The following MPZL1 variants were observed in gnomAD, a reference collection of about 807,000 sequenced individuals.
The protein encoded by MPZL1 is myelin protein zero-like protein 1.
A neutral mutation model predicts 29.3 loss-of-function variants in MPZL1; 16 were observed. The ratio of observed to expected loss-of-function variants is 0.55; its 90% CI spans 0.37 to 0.83. The LOEUF is 0.83. Among genes scored for constraint, MPZL1 ranks in the 40% least tolerant of loss-of-function variants. The probability of loss-of-function intolerance (pLI) is 0.00; values close to 1 mark genes in which losing one functional copy is unlikely to be tolerated. For missense variants in MPZL1, 279 were observed against 332.9 expected (o/e 0.84, Z 1.26); for synonymous variants, 143 against 132.0 (o/e 1.08, Z -0.57).
intron 5 of MPZL1, among the ~76,000 whole-genome samples, chr1:167,784,386 G>T (rs571269514): frequency 1.3e-5 from 2 of 152,200 alleles, no homozygotes; most frequent in Admixed American, 6.5e-5. Flanking sequence ...GGGTGGGGAG[G>T]GTGAGTACCA....
At chr1:167,722,640 C>T (rs933913855) in intron 1 of MPZL1, among the ~76,000 whole-genome samples, 2 of 152,208 alleles carry the variant, frequency 1.3e-5, no homozygotes, top group African/African-American at 4.8e-5. Flanking sequence ...AACTAGGGTT[C>T]TGGCGTTCTT....
rs188265238 is a variant in MPZL1, at chr1:167,734,031, C to T, written c.91+11789C>T. On this transcript the variant is annotated intron_variant, in intron 1 of 5. Coordinates refer to ENST00000359523, the MANE Select transcript of MPZL1 (RefSeq NM_003953.6). ...CAGCACTTTGGGAGGCCAAGGCGGA[C>T]GGATCATGAGGTCAGGAGATCAAGA... Among the ~76,000 whole-genome samples the T allele has an allele frequency of 9.2e-5, 14 of 152,096 alleles. No individual in the cohort carries two copies. The South Asian group carries it at 1.5e-3, about 16-fold the overall frequency.
chr1:167,764,208 T>C (rs941987952), intron 1 of MPZL1, among the ~76,000 whole-genome samples: 6 of 152,224 alleles, frequency 3.9e-5, no homozygotes, highest in Non-Finnish European at 7.3e-5. Flanking sequence ...GACTTTCATT[T>C]TGTCTGTGAA....
chr1:167,771,529 G>A (rs982033186), intron 2 of MPZL1, among the ~76,000 whole-genome samples: 18 of 152,132 alleles, frequency 1.2e-4, no homozygotes, highest in Admixed American at 6.5e-4. Flanking sequence ...TTGGGTACAC[G>A]TGCAGAAAGG....
At chr1:167,778,797 A>C (rs1661427311) in intron 5 of MPZL1, among the ~76,000 whole-genome samples, 1 of 152,058 alleles carries the variant, frequency 6.6e-6, no homozygotes, top group Non-Finnish European at 1.5e-5. Flanking sequence ...GAAATAAAAA[A>C]AAATTGGATG....
At chr1:167,780,548 G>A (rs1382973641) in intron 5 of MPZL1, among the ~76,000 whole-genome samples, 1 of 152,080 alleles carries the variant, frequency 6.6e-6, no homozygotes, top group Admixed American at 6.6e-5. Context: ...TATACACAAT[G>A]GAATATTATT....
intron 1 of MPZL1, among the ~76,000 whole-genome samples, chr1:167,728,929 T>C (rs775958968): frequency 9.2e-5 from 14 of 152,096 alleles, no homozygotes; most frequent in Non-Finnish European, 1.8e-4. Flanking sequence ...GACCCTGATA[T>C]TCTACTTTAG....
chr1:167,747,425 A>G lies in MPZL1; in HGVS notation c.92-18158A>G, dbSNP rs113588451. Among the ~76,000 whole-genome samples, 677 of 152,208 alleles carry G rather than the reference A, an allele frequency of 4.4e-3. 5 individuals are homozygous for G. Among genetic ancestry groups the G allele is most frequent in the African/African-American group, 0.015 (635 of 41,512 alleles). On this transcript the variant is annotated intron_variant, in intron 1 of 5. Coordinates refer to ENST00000359523, the MANE Select transcript of MPZL1 (RefSeq NM_003953.6). ...GTTTTGTAGAAACAGGGGTCTCACT[A>G]TGTTGCCCAGGCTGGTCTAGAACTC... is the stretch of plus-strand genomic sequence containing the variant.
chr1:167,755,396 G>T (rs555059767), intron 1 of MPZL1, among the ~76,000 whole-genome samples: 1 of 152,200 alleles, frequency 6.6e-6, no homozygotes, highest in South Asian at 2.1e-4. Flanking sequence ...AAGGTACAGT[G>T]GTCTTTTTCC....
chr1:167,739,284 T>TATATATATATATATATAC (rs1660458035), intron 1 of MPZL1, among the ~76,000 whole-genome samples: 2 of 73,996 alleles, frequency 2.7e-5, no homozygotes, highest in African/African-American at 1.1e-4. Flanking sequence ...CATATATACA[T>TATATATATATATATATAC]ATATATATAT....
intron 1 of MPZL1, among the ~76,000 whole-genome samples, chr1:167,742,335 A>G (rs1660548348): frequency 6.6e-6 from 1 of 152,132 alleles, no homozygotes; most frequent in African/African-American, 2.4e-5. Context: ...CTTGTTTTCC[A>G]TAATATCAAA....
intron 1 of MPZL1, among the ~76,000 whole-genome samples, chr1:167,728,341 CT>C (rs1177820851): frequency 2.2e-5 from 3 of 138,240 alleles, no homozygotes; most frequent in Non-Finnish European, 4.8e-5. Context: ...AATTTTTTTT[CT>C]TTTTTTTCTT....
rs781057696 is a variant in MPZL1, at chr1:167,787,809, C to G, written c.709-11C>G. 6.3e-7 allele frequency: 1 copy of G among 1,599,020 alleles called. No individual in the cohort carries two copies. Among genetic ancestry groups the G allele is most frequent in the East Asian group, 2.2e-5 (1 of 44,802 alleles). The stretch of plus-strand genomic sequence containing the variant: ...TTTCAGTCCTCTAATCCTTCTGCTT[C>G]CCTTTTCCAGGGCCCAGTCATATAT... On this transcript the variant is annotated splice_polypyrimidine_tract_variant and intron_variant, in intron 5 of 5. Coordinates refer to ENST00000359523, the MANE Select transcript of MPZL1 (RefSeq NM_003953.6).
chr1:167,739,284 T>TATATATATATATATATATATATACAC lies in MPZL1; in HGVS notation c.91+17065_91+17066insCACATATATATATATATATATATATA, dbSNP rs1558110563. On this transcript the variant is annotated intron_variant, in intron 1 of 5. Transcript: ENST00000359523. The stretch of plus-strand genomic sequence containing the variant: ...ACACATACATATATACATATATACA[T>TATATATATATATATATATATATACAC]ATATATATATATATATATATATATA... 1.4e-4 allele frequency among the ~76,000 whole-genome samples: 10 copies of TATATATATATATATATATATATACAC among 74,002 alleles called. No homozygotes were observed. In the South Asian group the frequency reaches 1.6e-3, roughly 12 times the overall value. 48.5% of individuals were successfully genotyped at this position (74,002 alleles called of 152,430 possible).
chr1:167,759,804 G>A (rs780017276), intron 1 of MPZL1, among the ~76,000 whole-genome samples: 1 of 152,056 alleles, frequency 6.6e-6, no homozygotes, highest in Non-Finnish European at 1.5e-5. Context: ...TCTCTATCTG[G>A]GGTACACTCA....
intron 1 of MPZL1, among the ~76,000 whole-genome samples, chr1:167,727,503 T>C (rs1323529128): frequency 2.6e-5 from 4 of 152,212 alleles, no homozygotes; most frequent in Non-Finnish European, 4.4e-5. Flanking sequence ...TATAATTTAT[T>C]ATAGATTAGT....
chr1:167,756,856 C>T (rs111816816), intron 1 of MPZL1, among the ~76,000 whole-genome samples: 2,601 of 152,006 alleles, frequency 0.017, 76 homozygotes, highest in African/African-American at 0.059. Context: ...TGCAGACAGC[C>T]GGTCATTTAA....
chr1:167,762,215 T>C (rs1571157540), intron 1 of MPZL1, among the ~76,000 whole-genome samples: 1 of 152,106 alleles, frequency 6.6e-6, no homozygotes. Context: ...AGGCCAGGGG[T>C]GCTGCTCAAC....
chr1:167,779,145 G>A (rs1661436827), intron 5 of MPZL1, among the ~76,000 whole-genome samples: 1 of 151,412 alleles, frequency 6.6e-6, no homozygotes, highest in East Asian at 2.0e-4. Context: ...AGAAAAAAAA[G>A]AAAGTGAACA....
Sources: gnomAD v4.1 joint callset for allele counts (sites outside exome capture counted in the v4.1 genomes callset) on GRCh38, gnomAD v4.1.1 for gene constraint, MANE v1.5 for transcripts, NCBI Gene and HGNC (gene_info 2026-07-23, HGNC 2026-07-21) for gene names.